The following SULT1C2 variants were observed in gnomAD, a reference collection of about 807,000 sequenced individuals.
The protein encoded by SULT1C2 is sulfotransferase family 1C member 2.
A neutral mutation model predicts 36.0 loss-of-function variants in SULT1C2; 27 were observed. The ratio of observed to expected loss-of-function variants is 0.75; its 90% CI spans 0.55 to 1.03. SULT1C2 has a LOEUF of 1.03. Ranked by LOEUF, SULT1C2 falls within the 50% of genes least tolerant of loss-of-function variation. SULT1C2 has a pLI of 0.00. For missense variants in SULT1C2, 395 were observed against 359.2 expected, an observed-to-expected ratio of 1.10 and a Z score of -0.80; for synonymous variants, 121 against 116.0, an observed-to-expected ratio of 1.04 and a Z score of -0.27.
chr2:108,305,539 G>C lies in SULT1C2; in HGVS notation c.722G>C (p.Arg241Pro), dbSNP rs200176490. The C allele has an allele frequency of 1.2e-6, 2 of 1,614,026 alleles. No individual in the cohort carries two copies. Among genetic ancestry groups the C allele is most frequent in the Non-Finnish European group, 1.7e-6 (2 of 1,180,026 alleles). The change falls in exon 7 of 8, where the codon CGT becomes CCT. Residue 241 changes from arginine to proline, a missense_variant. By Grantham distance (103) the Arg-to-Pro change is moderately radical. Transcript: ENST00000251481. Reference sequence around the variant, plus strand: ...ATGAAAGAAAATCCCATGACAAATCGTTCTACAGTTTCCAAATCTATCTTG... The same window carrying C: ...ATGAAAGAAAATCCCATGACAAATCCTTCTACAGTTTCCAAATCTATCTTG... ...EKMKENPMTN[R>P]STVSKSILDQ...
At chr2:108,289,868 G>A (rs946177918) in intron 1 of SULT1C2, among the ~76,000 whole-genome samples, 1 of 152,190 alleles carries the variant, frequency 6.6e-6, no homozygotes, top group Non-Finnish European at 1.5e-5. Flanking sequence ...GCTTTAGCCA[G>A]GTTCTATCAC....
chr2:108,294,802 T>C (rs1210560744), intron 3 of SULT1C2, among the ~76,000 whole-genome samples: 3 of 151,930 alleles, frequency 2.0e-5, no homozygotes, highest in Non-Finnish European at 4.4e-5. Flanking sequence ...ACACACCCCA[T>C]TGCATTTGGA....
In SULT1C2 at chr2:108,308,627, T is replaced by C. The variant is rs1337719921; in HGVS notation, c.*163T>C. 1 of 568,750 alleles carries C rather than the reference T, an allele frequency of 1.8e-6. No homozygotes were observed. The highest frequency in any genetic ancestry group is 1.9e-5 in the African/African-American group (1 of 52,484). 35.2% of individuals were successfully genotyped at this position (568,750 alleles called of 1,614,324 possible). On this transcript the variant is annotated 3_prime_UTR_variant, in exon 8 of 8. Coordinates refer to ENST00000251481, the MANE Select transcript of SULT1C2 (RefSeq NM_001056.4). ...AACAGTATGTCACCACTTCATTTTT[T>C]AAAAAGGATCACGTCTAATGCCCAT... is the stretch of plus-strand genomic sequence containing the variant.
intron 3 of SULT1C2, chr2:108,298,517 AC>A (rs1301379403): frequency 8.5e-6 from 2 of 236,398 alleles, no homozygotes; most frequent in South Asian, 7.7e-5. Flanking sequence ...AGCTGGGACT[AC>A]AGGTGCGTAT....
rs368725066 is a variant in SULT1C2, at chr2:108,304,602, A to G, written c.404A>G (p.Asp135Gly). 2.5e-6 allele frequency: 4 copies of G among 1,612,452 alleles called. No individual in the cohort carries two copies. Among genetic ancestry groups the G allele is most frequent in the Non-Finnish European group, 3.4e-6 (4 of 1,179,520 alleles). The change falls in exon 5 of 8, where the codon GAC becomes GGC. Residue 135 changes from aspartate to glycine, a missense_variant. Transcript: ENST00000251481. ...KFLYVARNAKDCMVSYYHFQR... is the reference protein window; with the variant it reads ...KFLYVARNAKGCMVSYYHFQR... ...CTTTATGTAGCTCGAAATGCCAAAG[A>G]CTGTATGGTTTCCTACTACCATTTC... is the stretch of plus-strand genomic sequence containing the variant.
chr2:108,301,091 G>A, intron 4 of SULT1C2, 156 bp downstream of exon 4: 1 of 938,632 alleles, frequency 1.1e-6, no homozygotes. Flanking sequence ...ACATTCAGCA[G>A]GACATTCACC....
In SULT1C2 at chr2:108,305,193, A is replaced by T. The variant is rs931868469; in HGVS notation, c.524A>T (p.Asp175Val). The change falls in exon 6 of 8, where the codon GAC becomes GTC. Residue 175 changes from aspartate to valine, a missense_variant. By Grantham distance (152) the Asp-to-Val change is radical. Transcript: ENST00000251481. ...NGKVVWGSWF[D>V]HVKGWWEMKD... The stretch of plus-strand genomic sequence containing the variant: ...TCAGTGGTTTGGGGTTCCTGGTTTG[A>T]CCACGTGAAAGGATGGTGGGAGATG... The T allele has an allele frequency of 3.7e-6, 6 of 1,614,082 alleles. No individual in the cohort carries two copies. Among genetic ancestry groups the T allele is most frequent in the African/African-American group, 1.3e-5 (1 of 74,996 alleles).
intron 4 of SULT1C2, chr2:108,301,668 C>G (rs1461532217): frequency 6.6e-6 from 1 of 152,294 alleles, no homozygotes; most frequent in Non-Finnish European, 1.5e-5. Context: ...CTGGTAGACT[C>G]TGAGTTCTTC....
intron 3 of SULT1C2, chr2:108,299,508 G>C (rs896315237): frequency 6.5e-6 from 1 of 152,848 alleles, no homozygotes; most frequent in African/African-American, 2.4e-5. Context: ...AGGGGCGTGG[G>C]GCAGCAGGAC....
intron 1 of SULT1C2, among the ~76,000 whole-genome samples, chr2:108,292,386 CAAT>C (rs771827332): frequency 1.7e-3 from 222 of 131,706 alleles, no homozygotes; most frequent in Admixed American, 6.1e-3. Context: ...CTCAATACAA[CAAT>C]GACAACACAC....
chr2:108,292,302 A>C (rs1217050244), intron 1 of SULT1C2, among the ~76,000 whole-genome samples: 1 of 152,050 alleles, frequency 6.6e-6, no homozygotes, highest in Non-Finnish European at 1.5e-5. Context: ...CTGGAACCCC[A>C]GTAGCCAGTT....
chr2:108,307,125 T>C (rs972978635), intron 7 of SULT1C2, among the ~76,000 whole-genome samples: 3 of 152,244 alleles, frequency 2.0e-5, no homozygotes, highest in South Asian at 2.1e-4. Context: ...CTTGAATTTA[T>C]GTTGTTGCAT....
At chr2:108,294,883 C>T (rs1458061916) in intron 3 of SULT1C2, among the ~76,000 whole-genome samples, 5 of 152,084 alleles carry the variant, frequency 3.3e-5, no homozygotes, top group African/African-American at 9.7e-5. Flanking sequence ...CTCTTCACAT[C>T]AAAAAATAAA....
chr2:108,298,443 AG>A (rs1218103739), intron 3 of SULT1C2: 2 of 173,414 alleles, frequency 1.2e-5, no homozygotes, highest in African/African-American at 2.6e-5. Context: ...GTGCAAACAC[AG>A]CTCACTGCAG....
chr2:108,298,750 G>A (rs1468294977), intron 3 of SULT1C2: 5 of 245,456 alleles, frequency 2.0e-5, no homozygotes, highest in Non-Finnish European at 3.3e-5. Flanking sequence ...GGTCACTAGG[G>A]GTTTAGTTCT....
At chr2:108,300,968 G>C (rs1676855665) in intron 4 of SULT1C2, 33 bp downstream of exon 4, 2 of 1,611,916 alleles carry the variant, frequency 1.2e-6, no homozygotes, top group South Asian at 2.2e-5. Flanking sequence ...TGACAGAAGG[G>C]AAAGTAAGCC....
chr2:108,298,584 G>A, intron 3 of SULT1C2: 1 of 272,704 alleles, frequency 3.7e-6, no homozygotes, highest in Non-Finnish European at 7.2e-6. Context: ...ATTTCACCAT[G>A]TTGCCCAGGC....
chr2:108,293,683 G>A lies in SULT1C2; in HGVS notation c.16G>A (p.Asp6Asn), dbSNP rs755159518. 2.5e-6 allele frequency: 4 copies of A among 1,613,850 alleles called. No homozygotes were observed. Among genetic ancestry groups the A allele is most frequent in the Non-Finnish European group, 3.4e-6 (4 of 1,179,972 alleles). Residue 6 changes from aspartate to asparagine, a missense_variant, in exon 2 of 8, where the codon GAC (aspartate) becomes AAC (asparagine). Coordinates refer to ENST00000251481, the MANE Select transcript of SULT1C2 (RefSeq NM_001056.4). The stretch of plus-strand genomic sequence containing the variant: ...CTGAGACACTATGGCCCTGACCTCA[G>A]ACCTGGGGAAACAGATAAAACTGAA... MALTS[D>N]LGKQIKLKEV...
intron 1 of SULT1C2, among the ~76,000 whole-genome samples, chr2:108,289,556 T>C (rs1010345136): frequency 1.3e-5 from 2 of 152,262 alleles, no homozygotes; most frequent in East Asian, 1.9e-4. Flanking sequence ...CAAAATACTA[T>C]AGGATCCCAT....
Sources: allele counts gnomAD v4.1 joint callset (sites outside exome capture counted in the v4.1 genomes callset), GRCh38; gene constraint gnomAD v4.1.1; transcripts MANE v1.5; gene names NCBI Gene and HGNC (gene_info 2026-07-23, HGNC 2026-07-21).